The following VDAC2 variants were observed in gnomAD, a reference collection of about 807,000 sequenced individuals.
The protein encoded by VDAC2 is non-selective voltage-gated ion channel VDAC2.
VDAC2 carries 6 observed loss-of-function variants against 36.6 expected under a neutral mutation model. The ratio of observed to expected loss-of-function variants is 0.16; its 90% confidence interval spans 0.09 to 0.32. The LOEUF (loss-of-function observed/expected upper bound fraction) is 0.32. VDAC2 is among the 10% of genes least tolerant of loss of function. The probability of loss-of-function intolerance (pLI) is 1.00; values close to 1 mark genes in which losing one functional copy is unlikely to be tolerated. For synonymous variants in VDAC2, 109 were observed against 123.8 expected, an observed-to-expected ratio of 0.88 and a Z score of 0.79; for missense variants, 247 against 346.0, an observed-to-expected ratio of 0.71 and a Z score of 2.27.
chr10:75,230,929 T>C lies in VDAC2; in HGVS notation c.825T>C (p.Asp275=), dbSNP rs1362327908. Residue 275 remains aspartate (D), a synonymous_variant, in exon 10 of 10, where the codon GAT becomes GAC. Transcript: ENST00000332211. ...AGCTTACACTCTCTGCTCTGGTAGATGGGAAGAGCATTAATGCTGGAGGCC... is the reference window on the plus strand; with the variant it reads ...AGCTTACACTCTCTGCTCTGGTAGACGGGAAGAGCATTAATGCTGGAGGCC... ...GVKLTLSALV[D]GKSINAGGHK... 6.2e-7 allele frequency: 1 copy of C among 1,613,696 alleles called. No homozygotes were observed.
chr10:75,211,260 T>A, intron 2 of VDAC2, 71 bp downstream of exon 2: 1 of 1,578,516 alleles, frequency 6.3e-7, no homozygotes. Flanking sequence ...AAACCCAGTT[T>A]GTTTCCCCCT....
chr10:75,220,697 G>T, intron 6 of VDAC2, 46 bp from the exon 7 acceptor site: 1 of 1,523,396 alleles, frequency 6.6e-7, no homozygotes, highest in South Asian at 1.2e-5. Flanking sequence ...TTGTGCAGAA[G>T]TGTGTGTAAA....
intron 4 of VDAC2, chr10:75,217,894 C>T (rs935253254): frequency 7.8e-7 from 1 of 1,284,794 alleles, no homozygotes; most frequent in Non-Finnish European, 1.0e-6. Context: ...ACAGATATCA[C>T]AATTTCTGGC....
chr10:75,217,885 C>T, intron 4 of VDAC2: 1 of 1,282,256 alleles, frequency 7.8e-7, no homozygotes, highest in Non-Finnish European at 1.0e-6. Context: ...TCTCACTCTA[C>T]AGATATCACA....
chr10:75,215,342 TAG>T (rs938594679), intron 4 of VDAC2, among the ~76,000 whole-genome samples: 4 of 151,458 alleles, frequency 2.6e-5, no homozygotes, highest in Admixed American at 1.3e-4. Flanking sequence ...TGTATATATA[TAG>T]AGAGAGAGAG....
intron 4 of VDAC2, among the ~76,000 whole-genome samples, chr10:75,214,370 A>T (rs905445828): frequency 3.5e-4 from 53 of 152,350 alleles, no homozygotes; most frequent in African/African-American, 1.2e-3. Context: ...ACTTTTTTGT[A>T]ACCCTTTGTC....
At chr10:75,216,003 C>T (rs1178362668) in intron 4 of VDAC2, among the ~76,000 whole-genome samples, 1 of 152,222 alleles carries the variant, frequency 6.6e-6, no homozygotes, top group African/African-American at 2.4e-5. Flanking sequence ...ACAGCGCTAG[C>T]CCTGTAGTTT....
At chr10:75,225,466 T>G (rs1255624208) in intron 8 of VDAC2, among the ~76,000 whole-genome samples, 2 of 152,208 alleles carry the variant, frequency 1.3e-5, no homozygotes, top group Non-Finnish European at 2.9e-5. Context: ...CAAAGTTGTT[T>G]GGCAGGAATT....
intron 2 of VDAC2, chr10:75,211,556 A>G (rs1317009850): frequency 1.9e-6 from 3 of 1,550,600 alleles, no homozygotes; most frequent in Admixed American, 2.0e-5. Context: ...TTGTGCTCCT[A>G]AGGGCGTGGA....
chr10:75,215,967 A>G (rs1275050063), intron 4 of VDAC2, among the ~76,000 whole-genome samples: 1 of 152,130 alleles, frequency 6.6e-6, no homozygotes, highest in Non-Finnish European at 1.5e-5. Context: ...AGTGATCCCA[A>G]AGTGTTGGGA....
chr10:75,230,956 C>G lies in VDAC2; in HGVS notation c.852C>G (p.His284Gln), dbSNP rs1381649154. The part of the protein sequence containing the change: ...VDGKSINAGG[H>Q]KVGLALELEA ...GGAAGAGCATTAATGCTGGAGGCCACAAGGTTGGGCTCGCCCTGGAGTTGG... is the reference window on the plus strand; with the variant it reads ...GGAAGAGCATTAATGCTGGAGGCCAGAAGGTTGGGCTCGCCCTGGAGTTGG... Residue 284 changes from histidine to glutamine, a missense_variant, in exon 10 of 10, where the codon CAC becomes CAG. Around this residue, in one of 3 missense-constraint regions of VDAC2, gnomAD observed 159 missense variants for 234.0 expected, o/e 0.68. Coordinates refer to ENST00000332211, the MANE Select transcript of VDAC2 (RefSeq NM_001391963.1). 2 of 1,612,874 alleles carry G rather than the reference C, an allele frequency of 1.2e-6. No individual in the cohort carries two copies. Among genetic ancestry groups the G allele is most frequent in the Non-Finnish European group, 1.7e-6 (2 of 1,179,728 alleles).
intron 9 of VDAC2, 150 bp downstream of exon 9, chr10:75,229,851 A>T: frequency 2.0e-6 from 1 of 502,050 alleles, no homozygotes. Flanking sequence ...ACAATTTTTT[A>T]TTTCTTTTTC....
intron 2 of VDAC2, chr10:75,211,758 T>C: frequency 7.1e-7 from 1 of 1,413,884 alleles, no homozygotes; most frequent in Non-Finnish European, 9.7e-7. Flanking sequence ...AAATTCCCAG[T>C]ATTAAATTCT....
At chr10:75,216,221 A>C (rs1267622862) in intron 4 of VDAC2, among the ~76,000 whole-genome samples, 1 of 152,242 alleles carries the variant, frequency 6.6e-6, no homozygotes, top group Non-Finnish European at 1.5e-5. Context: ...GTTGAAACAC[A>C]AAAGGCCTTC....
At chr10:75,228,443 G>A (rs548395848) in intron 8 of VDAC2, among the ~76,000 whole-genome samples, 1 of 151,950 alleles carries the variant, frequency 6.6e-6, no homozygotes, top group African/African-American at 2.4e-5. Context: ...TGTACAGACA[G>A]ACAGGGGTCT....
intron 2 of VDAC2, 102 bp downstream of exon 2, chr10:75,211,291 A>G (rs1841411019): frequency 1.3e-6 from 2 of 1,515,446 alleles, no homozygotes; most frequent in Non-Finnish European, 1.8e-6. Context: ...GAACTTGGAA[A>G]TTCGGCTGCT....
intron 8 of VDAC2, among the ~76,000 whole-genome samples, chr10:75,223,544 A>G (rs1001700806): frequency 6.6e-6 from 1 of 152,168 alleles, no homozygotes. Context: ...TGCCACTCCA[A>G]TTCAGCAGTA....
chr10:75,211,265 C>T (rs1472605637), intron 2 of VDAC2, 76 bp downstream of exon 2: 3 of 1,565,524 alleles, frequency 1.9e-6, no homozygotes, highest in Admixed American at 1.9e-5. Context: ...CAGTTTGTTT[C>T]CCCCTATCTT....
At chr10:75,216,320 A>G (rs1841603528) in intron 4 of VDAC2, among the ~76,000 whole-genome samples, 1 of 152,226 alleles carries the variant, frequency 6.6e-6, no homozygotes, top group Non-Finnish European at 1.5e-5. Flanking sequence ...ATTAATATCA[A>G]ATATTAGATC....
Sources: gnomAD v4.1 joint callset for allele counts (sites outside exome capture counted in the v4.1 genomes callset) on GRCh38, gnomAD v4.1.1 for gene constraint, gnomAD v4.1.1 regional missense constraint, MANE v1.5 for transcripts, NCBI Gene and HGNC (gene_info 2026-07-23, HGNC 2026-07-21) for gene names.